Variants in STAG1 observed in about 807,000 individuals in gnomAD.
STAG1 encodes the protein STAG1 cohesin complex component, also known as cohesin subunit SA-1.
Under a neutral mutation model 170.9 loss-of-function variants are expected in STAG1, and 26 were observed. The ratio of observed to expected loss-of-function variants is 0.15; its 90% CI spans 0.11 to 0.21. The LOEUF is 0.21. Among genes scored for constraint, STAG1 ranks in the 10% least tolerant of loss-of-function variants. The probability of loss-of-function intolerance (pLI) is 1.00; values close to 1 mark genes in which losing one functional copy is unlikely to be tolerated. For synonymous variants in STAG1, 514 were observed against 497.7 expected, an observed-to-expected ratio of 1.03 and a Z score of -0.44; for missense variants, 964 against 1,509.5, an observed-to-expected ratio of 0.64 and a Z score of 5.99.
At chr3:136,658,380 T>C (rs760860503) in intron 1 of STAG1, among the ~76,000 whole-genome samples, 3 of 152,018 alleles carry the variant, frequency 2.0e-5, no homozygotes, top group Admixed American at 1.3e-4. Flanking sequence ...GAGTGTTACT[T>C]GAATAGGAAA....
intron 1 of STAG1, among the ~76,000 whole-genome samples, chr3:136,696,982 T>A (rs951006663): frequency 6.6e-6 from 1 of 152,154 alleles, no homozygotes; most frequent in Non-Finnish European, 1.5e-5. Context: ...AACTGAACAC[T>A]AAAAAAAGTT....
intron 10 of STAG1, 26 bp downstream of exon 10, chr3:136,477,263 T>C (rs1402184436): frequency 5.1e-6 from 8 of 1,569,914 alleles, no homozygotes; most frequent in Non-Finnish European, 6.9e-6. Flanking sequence ...ATAACTTCCA[T>C]CAAAGCTTAG....
chr3:136,458,408 T>C (rs2089179675), intron 13 of STAG1, among the ~76,000 whole-genome samples: 1 of 152,214 alleles, frequency 6.6e-6, no homozygotes, highest in East Asian at 1.9e-4. Flanking sequence ...CTGCCTGCCT[T>C]GGCCTCCCAA....
intron 12 of STAG1, among the ~76,000 whole-genome samples, chr3:136,471,423 C>A (rs1173971301): frequency 6.6e-6 from 1 of 151,556 alleles, no homozygotes; most frequent in Non-Finnish European, 1.5e-5. Flanking sequence ...AAGAAGGTAA[C>A]TAGATTTTGA....
intron 1 of STAG1, among the ~76,000 whole-genome samples, chr3:136,649,633 A>T (rs1941148478): frequency 6.6e-6 from 1 of 151,500 alleles, no homozygotes; most frequent in African/African-American, 2.4e-5. Flanking sequence ...ATAAAATAAC[A>T]GGCCAAGTGC....
intron 1 of STAG1, among the ~76,000 whole-genome samples, chr3:136,740,511 C>T (rs563210611): frequency 1.3e-5 from 2 of 152,274 alleles, no homozygotes; most frequent in South Asian, 4.1e-4. Flanking sequence ...GACAGAGTCT[C>T]ACTTTGTCAC....
chr3:136,400,834 T>C (rs2087303471), intron 21 of STAG1, among the ~76,000 whole-genome samples: 1 of 152,150 alleles, frequency 6.6e-6, no homozygotes, highest in Non-Finnish European at 1.5e-5. Flanking sequence ...GTGCCTGGCC[T>C]CAAAATAAAT....
chr3:136,379,601 C>T (rs1263828705), intron 22 of STAG1, among the ~76,000 whole-genome samples: 1 of 151,912 alleles, frequency 6.6e-6, no homozygotes, highest in Admixed American at 6.6e-5. Context: ...CCCAGCTACT[C>T]GGGAGGCTGA....
rs145649936 is a variant in STAG1, at chr3:136,520,498, A to T, written c.676+715T>A. Among the ~76,000 whole-genome samples, 1,131 of 152,248 alleles carry T rather than the reference A, an allele frequency of 7.4e-3. 17 individuals are homozygous for T. The highest frequency in any genetic ancestry group is 0.026 in the African/African-American group (1,078 of 41,562). ...ATACACACACTCCATTATGAATGAAAAAAATAGTCATTTTAGGTAGGCACA... is the reference window on the plus strand; with the variant it reads ...ATACACACACTCCATTATGAATGAATAAAATAGTCATTTTAGGTAGGCACA... On this transcript the variant is annotated intron_variant, in intron 7 of 33. Transcript: ENST00000383202.
chr3:136,456,175 C>G (rs1225072073), intron 13 of STAG1, among the ~76,000 whole-genome samples: 1 of 152,182 alleles, frequency 6.6e-6, no homozygotes, highest in African/African-American at 2.4e-5. Context: ...TCCAGAAAAA[C>G]TGAAGATCTA....
intron 3 of STAG1, among the ~76,000 whole-genome samples, chr3:136,616,605 G>A (rs1488389694): frequency 6.6e-6 from 1 of 152,070 alleles, no homozygotes; most frequent in Non-Finnish European, 1.5e-5. Flanking sequence ...AATAGAAAAA[G>A]TAGTACAGAA....
chr3:136,684,560 G>C (rs1046204960), intron 1 of STAG1, among the ~76,000 whole-genome samples: 1 of 152,100 alleles, frequency 6.6e-6, no homozygotes, highest in South Asian at 2.1e-4. Context: ...GACCAGCCTG[G>C]TCAACATGGT....
chr3:136,416,708 T>A (rs1161177584), intron 21 of STAG1, among the ~76,000 whole-genome samples: 1 of 152,186 alleles, frequency 6.6e-6, no homozygotes, highest in Non-Finnish European at 1.5e-5. Flanking sequence ...GGTAAAATAT[T>A]TAGTGTCTTT....
intron 9 of STAG1, among the ~76,000 whole-genome samples, chr3:136,497,589 C>G (rs1056582856): frequency 6.6e-6 from 1 of 152,154 alleles, no homozygotes. Context: ...GCCTGTAACC[C>G]CAGCACTTTG....
chr3:136,464,423 CA>C (rs1233761875), intron 13 of STAG1, among the ~76,000 whole-genome samples: 1 of 124,698 alleles, frequency 8.0e-6, no homozygotes, highest in Non-Finnish European at 1.7e-5. Flanking sequence ...AACTCCGTCT[CA>C]AAAAAAAACA....
intron 6 of STAG1, among the ~76,000 whole-genome samples, chr3:136,532,589 T>C (rs971524817): frequency 6.6e-6 from 1 of 152,130 alleles, no homozygotes; most frequent in Non-Finnish European, 1.5e-5. Context: ...AAAATTTACA[T>C]AAGGCATTCA....
intron 31 of STAG1, 76 bp downstream of exon 31, chr3:136,341,364 AG>A: frequency 1.0e-6 from 1 of 987,526 alleles, no homozygotes; most frequent in Non-Finnish European, 1.6e-6. Flanking sequence ...CAAACATCAA[AG>A]AAACCCAAGT....
At chr3:136,486,239 T>C (rs2090009528) in intron 9 of STAG1, among the ~76,000 whole-genome samples, 1 of 152,220 alleles carries the variant, frequency 6.6e-6, no homozygotes, top group South Asian at 2.1e-4. Context: ...GTGAAATTAT[T>C]GGGTTAGAAG....
chr3:136,619,923 C>A (rs1051424383), intron 3 of STAG1, among the ~76,000 whole-genome samples: 2 of 151,480 alleles, frequency 1.3e-5, no homozygotes, highest in Non-Finnish European at 2.9e-5. Context: ...ATCAGCCATG[C>A]GTGGTGGCGT....
Sources: gnomAD v4.1 joint callset for allele counts (sites outside exome capture counted in the v4.1 genomes callset) on GRCh38, gnomAD v4.1.1 for gene constraint, MANE v1.5 for transcripts, NCBI Gene and HGNC (gene_info 2026-07-23, HGNC 2026-07-21) for gene names.